Variants in TAS2R4 observed in about 807,000 individuals in gnomAD.
TAS2R4 encodes taste 2 receptor member 4, also known as taste receptor type 2 member 4.
A neutral mutation model predicts 14.3 loss-of-function variants in TAS2R4; 18 were observed. That is an observed-to-expected ratio of 1.26 (90% CI 0.87 to 1.86). The LOEUF (loss-of-function observed/expected upper bound fraction) is 1.86, where lower values mean the gene tolerates loss of function less well. TAS2R4 is among the 40% of genes most tolerant of loss of function. TAS2R4 has a pLI of 0.00. For synonymous variants in TAS2R4, 130 were observed against 138.5 expected (o/e 0.94, Z 0.43); for missense variants, 306 against 342.7 (o/e 0.89, Z 0.85).
In TAS2R4 at chr7:141,780,788, T is replaced by G. The variant is rs983777704; in HGVS notation, c.*1400T>G. Reference sequence around the variant, plus strand: ...AAAATGCTTATGTAATATTTACATATGTCAAATAAATCTTAAAATTTTATA... The same window carrying G: ...AAAATGCTTATGTAATATTTACATAGGTCAAATAAATCTTAAAATTTTATA... On this transcript the variant is annotated 3_prime_UTR_variant, in exon 1 of 1. Transcript: ENST00000247881. The G allele has an allele frequency of 6.6e-6, 1 of 152,330 alleles. No individual in the cohort carries two copies. The highest frequency in any genetic ancestry group is 2.1e-4 in the South Asian group (1 of 4,826). The allele number at this position is 152,330 out of a possible 1,614,324, so 9.4% of individuals were successfully genotyped here.
chr7:141,779,522 G>T lies in TAS2R4; in HGVS notation c.*134G>T. The T allele has an allele frequency of 4.8e-6, 4 of 833,814 alleles. No individual in the cohort carries two copies. The highest frequency in any genetic ancestry group is 6.8e-6 in the Non-Finnish European group (4 of 588,144). The allele number at this position is 833,814 out of a possible 1,614,324, so 51.7% of individuals were successfully genotyped here. On this transcript the variant is annotated 3_prime_UTR_variant, in exon 1 of 1. Transcript: ENST00000247881. ...TGACATCATAGGCTTTTGAGTGCCTGAATTTCAGTTCATTCTGTAATTTTT... is the reference window on the plus strand; with the variant it reads ...TGACATCATAGGCTTTTGAGTGCCTTAATTTCAGTTCATTCTGTAATTTTT...
In TAS2R4 at chr7:141,777,573, C is replaced by T. The variant is rs150653001; in HGVS notation, c.-916C>T. Among the ~76,000 whole-genome samples the T allele has an allele frequency of 6.6e-6, 1 of 152,152 alleles. No homozygotes were observed. Among genetic ancestry groups the T allele is most frequent in the Non-Finnish European group, 1.5e-5 (1 of 68,014 alleles). On this transcript the variant is annotated 5_prime_UTR_variant, in exon 1 of 1. Transcript: ENST00000247881. ...CCCATCTGAGCAAGTACAGAGAAAT[C>T]CAGCAATGAGATGCCTAGCTGTTTG...
chr7:141,777,527 G>T lies in TAS2R4; in HGVS notation c.-962G>T, dbSNP rs1800258391. Among the ~76,000 whole-genome samples, 1 of 152,152 alleles carries T rather than the reference G, an allele frequency of 6.6e-6. No homozygotes were observed. Among genetic ancestry groups the T allele is most frequent in the Admixed American group, 6.5e-5 (1 of 15,270 alleles). On this transcript the variant is annotated 5_prime_UTR_variant, in exon 1 of 1. Transcript: ENST00000247881. ...CCTATGGGCCTCCATAATATCATTT[G>T]CCAGGGATATTTTGCCATTTCCCAT... is the stretch of plus-strand genomic sequence containing the variant.
chr7:141,776,927 G>T lies in TAS2R4; in HGVS notation c.-1562G>T, dbSNP rs116349113. Among the ~76,000 whole-genome samples the T allele has an allele frequency of 6.3e-3, 952 of 152,056 alleles. 10 individuals carry two copies. Among genetic ancestry groups the T allele is most frequent in the East Asian group, 0.024 (125 of 5,152 alleles). ...TAATTATAGCACTTCCTCCTACAGA[G>T]AACCCAACAATTTGGTATAGTACAT... On this transcript the variant is annotated 5_prime_UTR_variant, in exon 1 of 1. Coordinates refer to ENST00000247881, the MANE Select transcript of TAS2R4 (RefSeq NM_016944.2).
rs1800293639 is a variant in TAS2R4, at chr7:141,779,471, G to A, written c.*83G>A. Reference sequence around the variant, plus strand: ...GTTTGCAGTTTTCCCAGTGATCTGGGGAATTCAGTTTTGTGATTGCTGATC... The same window carrying A: ...GTTTGCAGTTTTCCCAGTGATCTGGAGAATTCAGTTTTGTGATTGCTGATC... On this transcript the variant is annotated 3_prime_UTR_variant, in exon 1 of 1. Transcript: ENST00000247881. 1 of 1,361,294 alleles carries A rather than the reference G, an allele frequency of 7.3e-7. No individual in the cohort carries two copies. The highest frequency in any genetic ancestry group is 1.6e-5 in the South Asian group (1 of 63,140). The allele number at this position is 1,361,294 out of a possible 1,614,324, so 84.3% of individuals were successfully genotyped here.
rs1322276293 is a variant in TAS2R4, at chr7:141,780,306, A to C, written c.*918A>C. The C allele has an allele frequency of 6.6e-6, 1 of 152,184 alleles. No homozygotes were observed. The highest frequency in any genetic ancestry group is 2.4e-5 in the African/African-American group (1 of 41,450). The allele number at this position is 152,184 out of a possible 1,614,324, so 9.4% of individuals were successfully genotyped here. ...GTGCTATTCCTAGCAAGAAACCCTA[A>C]GGTTTCTAGGCTTGTTCTGGAAAAG... On this transcript the variant is annotated 3_prime_UTR_variant, in exon 1 of 1. Coordinates refer to ENST00000247881, the MANE Select transcript of TAS2R4 (RefSeq NM_016944.2).
chr7:141,779,133 T>C lies in TAS2R4; in HGVS notation c.645T>C (p.Thr215=), dbSNP rs201029247. ...RHIQKMQKNA[T]GFWNPQTEAH... ...TACAGAAGATGCAGAAAAATGCCAC[T>C]GGTTTCTGGAATCCCCAGACGGAAG... The change falls in exon 1 of 1, where the codon ACT becomes ACC. Residue 215 remains threonine (T), a synonymous_variant. Transcript: ENST00000247881. 26 of 1,614,222 alleles carry C rather than the reference T, an allele frequency of 1.6e-5. No individual in the cohort carries two copies. Among genetic ancestry groups the C allele is most frequent in the Non-Finnish European group, 2.1e-5 (25 of 1,180,026 alleles).
chr7:141,781,147 C>T lies in TAS2R4; in HGVS notation c.*1759C>T, dbSNP rs1015276413. On this transcript the variant is annotated 3_prime_UTR_variant, in exon 1 of 1. Coordinates refer to ENST00000247881, the MANE Select transcript of TAS2R4 (RefSeq NM_016944.2). ...TGTATATAATTTCTGGGTGGTACTT[C>T]GGAGCAGTCCTACCTTCCCTTCTTT... Among the ~76,000 whole-genome samples, 1 of 152,140 alleles carries T rather than the reference C, an allele frequency of 6.6e-6. No individual in the cohort carries two copies. The highest frequency in any genetic ancestry group is 6.5e-5 in the Admixed American group (1 of 15,270).
chr7:141,778,935 G>A lies in TAS2R4; in HGVS notation c.447G>A (p.Thr149=), dbSNP rs899078201. The change falls in exon 1 of 1, where the codon ACG becomes ACA. Residue 149 remains threonine, a synonymous_variant. Coordinates refer to ENST00000247881, the MANE Select transcript of TAS2R4 (RefSeq NM_016944.2). The part of the protein sequence containing the change: ...ISAFTTCLYI[T]LSQASPFPEL... ...CTTTCACCACTTGCCTGTACATCACGCTTAGCCAGGCATCACCTTTTCCTG... is the reference window on the plus strand; with the variant it reads ...CTTTCACCACTTGCCTGTACATCACACTTAGCCAGGCATCACCTTTTCCTG... The A allele has an allele frequency of 1.9e-5, 31 of 1,614,148 alleles. No individual in the cohort carries two copies. The highest frequency in any genetic ancestry group is 8.8e-5 in the South Asian group (8 of 91,080).
In TAS2R4 at chr7:141,779,190, T is replaced by C; in HGVS notation, c.702T>C (p.Tyr234=). The C allele has an allele frequency of 2.5e-6, 4 of 1,614,180 alleles. No individual in the cohort carries two copies. Among genetic ancestry groups the C allele is most frequent in the East Asian group, 2.2e-5 (1 of 44,886 alleles). Residue 234 remains tyrosine (Y), a synonymous_variant, in exon 1 of 1, where the codon TAT becomes TAC. Coordinates refer to ENST00000247881, the MANE Select transcript of TAS2R4 (RefSeq NM_016944.2). Reference sequence around the variant, plus strand: ...TAGGTGCTATGAAGCTGATGGTCTATTTCCTCATCCTCTACATTCCATATT... The same window carrying C: ...TAGGTGCTATGAAGCTGATGGTCTACTTCCTCATCCTCTACATTCCATATT... ...AHVGAMKLMV[Y]FLILYIPYSV...
In TAS2R4 at chr7:141,778,369, TG is replaced by T; in HGVS notation, c.-117del. On this transcript the variant is annotated 5_prime_UTR_variant, in exon 1 of 1. It introduces an in-frame stop codon into an upstream open reading frame of the 5' UTR. Transcript: ENST00000247881. Reference sequence around the variant, plus strand: ...ATCATGAATGGCTCATTTGCCATGCTGGGAAAAATTAAAAAGGAGATGTCCT... The same window carrying T: ...ATCATGAATGGCTCATTTGCCATGCTGGAAAAATTAAAAAGGAGATGTCCT... 1.1e-6 allele frequency: 1 copy of T among 930,588 alleles called. No homozygotes were observed. The highest frequency in any genetic ancestry group is 1.6e-6 in the Non-Finnish European group (1 of 631,904). 57.6% of individuals were successfully genotyped at this position (930,588 alleles called of 1,614,324 possible). A position where few individuals can be genotyped will look rare whatever the true frequency, so the allele number is the denominator to read the frequency against.
At position 141,781,147 on chromosome 7, in the gene TAS2R4, C is replaced by G. The variant is rs1015276413; in HGVS notation, c.*1759C>G. The stretch of plus-strand genomic sequence containing the variant: ...TGTATATAATTTCTGGGTGGTACTT[C>G]GGAGCAGTCCTACCTTCCCTTCTTT... On this transcript the variant is annotated 3_prime_UTR_variant, in exon 1 of 1. Transcript: ENST00000247881. 6.6e-6 allele frequency among the ~76,000 whole-genome samples: 1 copy of G among 152,258 alleles called. No homozygotes were observed. Among genetic ancestry groups the G allele is most frequent in the East Asian group, 1.9e-4 (1 of 5,182 alleles).
rs748170431 is a variant in TAS2R4 at position 141,778,767 on chromosome 7, G to A, written c.279G>A (p.Ser93=). Residue 93 remains serine, a synonymous_variant, in exon 1 of 1, where the codon TCG becomes TCA. Coordinates refer to ENST00000247881, the MANE Select transcript of TAS2R4 (RefSeq NM_016944.2). ...TGTTGTGTTTCATGTTTTTGGACTC[G>A]AGCAGTGTCTGGTTTGTGACCTTGC... ...FFVLCFMFLD[S]SSVWFVTLLN... 29 of 1,614,016 alleles carry A rather than the reference G, an allele frequency of 1.8e-5. 1 individual carries two copies. The highest frequency in any genetic ancestry group is 1.3e-4 in the African/African-American group (10 of 74,886).
chr7:141,779,139 C>T lies in TAS2R4; in HGVS notation c.651C>T (p.Phe217=). 1 of 1,614,172 alleles carries T rather than the reference C, an allele frequency of 6.2e-7. No individual in the cohort carries two copies. Among genetic ancestry groups the T allele is most frequent in the Non-Finnish European group, 8.5e-7 (1 of 1,180,020 alleles). The part of the protein sequence containing the change: ...IQKMQKNATG[F]WNPQTEAHVG... ...AGATGCAGAAAAATGCCACTGGTTT[C>T]TGGAATCCCCAGACGGAAGCTCATG... Residue 217 remains phenylalanine (F), a synonymous_variant, in exon 1 of 1, where the codon TTC becomes TTT. Coordinates refer to ENST00000247881, the MANE Select transcript of TAS2R4 (RefSeq NM_016944.2).
chr7:141,779,235 G>T lies in TAS2R4; in HGVS notation c.747G>T (p.Gln249His), dbSNP rs141592997. 1.2e-6 allele frequency: 2 copies of T among 1,614,030 alleles called. No homozygotes were observed. Among genetic ancestry groups the T allele is most frequent in the African/African-American group, 2.7e-5 (2 of 74,900 alleles). ...CATATTCAGTTGCTACCCTGGTCCA[G>T]TATCTCCCCTTTTATGCAGGGATGG... Reference protein sequence around the residue: ...YIPYSVATLVQYLPFYAGMDM... With the variant: ...YIPYSVATLVHYLPFYAGMDM... Residue 249 changes from glutamine to histidine, a missense_variant, in exon 1 of 1, where the codon CAG becomes CAT. Transcript: ENST00000247881.
Position 141,778,907 on chromosome 7 carries a change from C to G in TAS2R4, c.419C>G (p.Ser140Cys), listed in dbSNP as rs1286949996. 4 of 1,614,112 alleles carry G rather than the reference C, an allele frequency of 2.5e-6. No individual in the cohort carries two copies. The African/African-American group carries it at 5.3e-5, about 22-fold the overall frequency. ...CTGCTGCTGGCCTGTGTGCTGATTTCTGCTTTCACCACTTGCCTGTACATC... is the reference window on the plus strand; with the variant it reads ...CTGCTGCTGGCCTGTGTGCTGATTTGTGCTTTCACCACTTGCCTGTACATC... ...PRLLLACVLI[S>C]AFTTCLYITL... is the part of the protein sequence containing the mutation. Residue 140 changes from serine (S) to cysteine (C), a missense_variant, in exon 1 of 1, where the codon TCT becomes TGT. Physicochemically the swap from Ser to Cys is moderately radical, Grantham distance 112 (BLOSUM62 -1). Transcript: ENST00000247881.
At position 141,778,300 on chromosome 7, in the gene TAS2R4, A is replaced by G. The variant is rs1584782749; in HGVS notation, c.-189A>G. ...GATACTAATGAAGAAATAGTAATGT[A>G]ATCCTTGGAAGATTTGCATCTCAGT... On this transcript the variant is annotated 5_prime_UTR_variant, in exon 1 of 1. It removes the in-frame stop codon of an upstream open reading frame in the 5' UTR. Coordinates refer to ENST00000247881, the MANE Select transcript of TAS2R4 (RefSeq NM_016944.2). 1 of 586,430 alleles carries G rather than the reference A, an allele frequency of 1.7e-6. No homozygotes were observed. Among genetic ancestry groups the G allele is most frequent in the East Asian group, 2.9e-5 (1 of 34,980 alleles). The allele number at this position is 586,430 out of a possible 1,614,324, so 36.3% of individuals were successfully genotyped here. A position where few individuals can be genotyped will look rare whatever the true frequency, so the allele number is the denominator to read the frequency against.
rs192686868 is a variant in TAS2R4, at chr7:141,779,960, C to T, written c.*572C>T. 6.5e-6 allele frequency: 1 copy of T among 152,944 alleles called. No homozygotes were observed. Among genetic ancestry groups the T allele is most frequent in the East Asian group, 1.9e-4 (1 of 5,206 alleles). The allele number at this position is 152,944 out of a possible 1,614,324, so 9.5% of individuals were successfully genotyped here. ...CGGTGGCTCATGCTTGTAATCCCAG[C>T]TCTTTGGGAGGCCGAGGCAGGTGAA... On this transcript the variant is annotated 3_prime_UTR_variant, in exon 1 of 1. Coordinates refer to ENST00000247881, the MANE Select transcript of TAS2R4 (RefSeq NM_016944.2).
rs1009458927 is a variant in TAS2R4, at chr7:141,778,117, A to C, written c.-372A>C. ...TTTATGAAGAAAAACTTTACCGTAA[A>C]ACATTGACAGAAACATTGCTGGACT... On this transcript the variant is annotated 5_prime_UTR_variant, in exon 1 of 1. Transcript: ENST00000247881. Among the ~76,000 whole-genome samples the C allele has an allele frequency of 6.6e-6, 1 of 152,178 alleles. No individual in the cohort carries two copies. Among genetic ancestry groups the C allele is most frequent in the African/African-American group, 2.4e-5 (1 of 41,442 alleles).
Sources: gnomAD v4.1 joint callset for allele counts (sites outside exome capture counted in the v4.1 genomes callset) on GRCh38, gnomAD v4.1.1 for gene constraint, MANE v1.5 for transcripts, NCBI Gene and HGNC (gene_info 2026-07-23, HGNC 2026-07-21) for gene names.